Variants in MYO1D observed in about 807,000 individuals in gnomAD.
MYO1D encodes unconventional myosin-Id.
A neutral mutation model predicts 122.0 loss-of-function variants in MYO1D; 83 were observed. That is an observed-to-expected ratio of 0.68 (90% CI 0.57 to 0.82). The LOEUF (loss-of-function observed/expected upper bound fraction) is 0.82. Among genes scored for constraint, MYO1D ranks in the 40% least tolerant of loss-of-function variants. The pLI is 0.00. For missense variants in MYO1D, 1,157 were observed against 1,269.5 expected, an observed-to-expected ratio of 0.91 and a Z score of 1.35; for synonymous variants, 464 against 446.9, an observed-to-expected ratio of 1.04 and a Z score of -0.48.
intron 21 of MYO1D, 29 bp downstream of exon 21, chr17:32,605,058 G>A (rs753024349): frequency 6.5e-7 from 1 of 1,545,914 alleles, no homozygotes; most frequent in Non-Finnish European, 8.8e-7. Flanking sequence ...GATTTAAAAC[G>A]TGTCTTAGTT....
chr17:32,583,085 G>A (rs555097148), intron 21 of MYO1D, among the ~76,000 whole-genome samples: 19 of 152,198 alleles, frequency 1.2e-4, no homozygotes, highest in African/African-American at 4.6e-4. Context: ...GGAATAAACT[G>A]TTTTATCTTT....
chr17:32,876,710 C>A, intron 1 of MYO1D, 68 bp downstream of exon 1: 5 of 1,332,906 alleles, frequency 3.8e-6, no homozygotes, highest in Non-Finnish European at 5.0e-6. Context: ...GATCCGGCCG[C>A]GCCCCGAGGC....
Position 32,494,702 on chromosome 17 carries a change from G to C in MYO1D, c.*57C>G. On this transcript the variant is annotated 3_prime_UTR_variant, in exon 22 of 22. Coordinates refer to ENST00000318217, the MANE Select transcript of MYO1D (RefSeq NM_015194.3). Reference sequence around the variant, plus strand: ...GGCATGGGTTGGGAGGCAGCAGCTGGACTGGGACCCAGGACTCGGAGTGTG... The same window carrying C: ...GGCATGGGTTGGGAGGCAGCAGCTGCACTGGGACCCAGGACTCGGAGTGTG... 1 of 1,519,146 alleles carries C rather than the reference G, an allele frequency of 6.6e-7. No homozygotes were observed. Among genetic ancestry groups the C allele is most frequent in the Non-Finnish European group, 8.8e-7 (1 of 1,133,706 alleles). The allele number at this position is 1,519,146 out of a possible 1,614,324, so 94.1% of individuals were successfully genotyped here.
chr17:32,616,482 CTTT>C (rs552603493), intron 20 of MYO1D, among the ~76,000 whole-genome samples: 7 of 135,538 alleles, frequency 5.2e-5, no homozygotes, highest in Non-Finnish European at 1.6e-5. Flanking sequence ...TAATTAAAAA[CTTT>C]TTTTTTTTTT....
chr17:32,528,164 GC>G (rs1435010718), intron 21 of MYO1D, among the ~76,000 whole-genome samples: 1 of 152,184 alleles, frequency 6.6e-6, no homozygotes, highest in Non-Finnish European at 1.5e-5. Context: ...GGTAAAATTG[GC>G]CCATTTGGGT....
intron 16 of MYO1D, among the ~76,000 whole-genome samples, chr17:32,699,218 C>A (rs974918951): frequency 6.6e-6 from 1 of 152,018 alleles, no homozygotes; most frequent in Non-Finnish European, 1.5e-5. Flanking sequence ...CTGCCTCAGT[C>A]TCCAAATAAG....
At chr17:32,612,682 C>CAAAAAAAAA (rs1262090966) in intron 20 of MYO1D, among the ~76,000 whole-genome samples, 3 of 23,574 alleles carry the variant, frequency 1.3e-4, no homozygotes, top group Non-Finnish European at 1.8e-4. Context: ...AGACCCATCT[C>CAAAAAAAAA]AAAAAAAAAA....
At chr17:32,694,473 G>A (rs575442809) in intron 16 of MYO1D, among the ~76,000 whole-genome samples, 6 of 152,040 alleles carry the variant, frequency 3.9e-5, no homozygotes, top group African/African-American at 9.6e-5. Context: ...AGGTCGAGGC[G>A]GGTGGATCAT....
At chr17:32,600,953 CTTTT>C (rs59778193) in intron 21 of MYO1D, among the ~76,000 whole-genome samples, 3 of 141,614 alleles carry the variant, frequency 2.1e-5, no homozygotes, top group Non-Finnish European at 3.1e-5. Flanking sequence ...TTTCTTTTCC[CTTTT>C]TTTTTTTTTT....
At position 32,772,667 on chromosome 17, in the gene MYO1D, T is replaced by C. The variant is rs2090127227; in HGVS notation, c.618+122A>G. Reference sequence around the variant, plus strand: ...GTGCGTGCGTGCGTGCGTGCATGCGTGACATGTTACGGGGCCAATGGAGAT... The same window carrying C: ...GTGCGTGCGTGCGTGCGTGCATGCGCGACATGTTACGGGGCCAATGGAGAT... On this transcript the variant is annotated intron_variant, in intron 5 of 21. Transcript: ENST00000318217. 3 of 804,518 alleles carry C rather than the reference T, an allele frequency of 3.7e-6. No individual in the cohort carries two copies. In the Admixed American group the frequency reaches 5.7e-5, roughly 15 times the overall value. 49.8% of individuals were successfully genotyped at this position (804,518 alleles called of 1,614,324 possible). A position where few individuals can be genotyped will look rare whatever the true frequency, so the allele number is the denominator to read the frequency against.
intron 21 of MYO1D, chr17:32,519,363 G>A (rs1027319913): frequency 1.3e-5 from 2 of 152,660 alleles, no homozygotes; most frequent in African/African-American, 4.8e-5. Flanking sequence ...GCGGCTGCCG[G>A]GGAATCCGGG....
intron 21 of MYO1D, among the ~76,000 whole-genome samples, chr17:32,539,559 C>G (rs1344914749): frequency 6.6e-6 from 1 of 152,132 alleles, no homozygotes; most frequent in Non-Finnish European, 1.5e-5. Context: ...CTTCGGGTGG[C>G]TGCCAGCACT....
rs1447671558 is a variant in MYO1D, at chr17:32,748,886, A to G, written c.1538+50T>C. The G allele has an allele frequency of 1.0e-5, 15 of 1,502,554 alleles. No homozygotes were observed. The East Asian group carries it at 2.0e-4, about 20-fold the overall frequency. The allele number at this position is 1,502,554 out of a possible 1,614,324, so 93.1% of individuals were successfully genotyped here. On this transcript the variant is annotated intron_variant, in intron 12 of 21. Transcript: ENST00000318217. ...TACATTTTTCCTGGTTGTATTTTCT[A>G]AAGTGAGGCGGCATGCAAATCATGG...
intron 2 of MYO1D, 53 bp from the exon 3 acceptor site, chr17:32,778,626 G>C: frequency 6.9e-7 from 1 of 1,440,700 alleles, no homozygotes; most frequent in Non-Finnish European, 9.7e-7. Flanking sequence ...CCAAGAGTAA[G>C]CTAATTTTTA....
chr17:32,758,396 T>C (rs2089969073), intron 10 of MYO1D, among the ~76,000 whole-genome samples: 1 of 152,116 alleles, frequency 6.6e-6, no homozygotes, highest in Admixed American at 6.6e-5. Flanking sequence ...GAAACATGTA[T>C]ACTGACTGGA....
chr17:32,603,187 A>G (rs1035715506), intron 21 of MYO1D, among the ~76,000 whole-genome samples: 1 of 152,224 alleles, frequency 6.6e-6, no homozygotes, highest in South Asian at 2.1e-4. Flanking sequence ...ACATACGCCT[A>G]GAAATGTACC....
chr17:32,534,561 G>A (rs1910603977), intron 21 of MYO1D, among the ~76,000 whole-genome samples: 1 of 152,172 alleles, frequency 6.6e-6, no homozygotes, highest in South Asian at 2.1e-4. Flanking sequence ...TTCTCAAGGA[G>A]GAATGTTTTA....
chr17:32,566,233 T>C (rs1014435062), intron 21 of MYO1D, among the ~76,000 whole-genome samples: 1 of 151,970 alleles, frequency 6.6e-6, no homozygotes, highest in Non-Finnish European at 1.5e-5. Flanking sequence ...AACTGTGGTG[T>C]TATGAAGGAG....
intron 1 of MYO1D, among the ~76,000 whole-genome samples, chr17:32,853,381 TAAA>T (rs2091004954): frequency 6.6e-6 from 1 of 152,204 alleles, no homozygotes; most frequent in Non-Finnish European, 1.5e-5. Flanking sequence ...CACCACATAA[TAAA>T]AAATCTTTAG....
Sources: allele counts gnomAD v4.1 joint callset (sites outside exome capture counted in the v4.1 genomes callset), GRCh38; gene constraint gnomAD v4.1.1; transcripts MANE v1.5; gene names NCBI Gene and HGNC (gene_info 2026-07-23, HGNC 2026-07-21).